MIPOL1: variants seen among roughly 807,000 people sequenced by gnomAD.
MIPOL1 encodes the protein mirror-image polydactyly 1.
Under a neutral mutation model 60.9 loss-of-function variants are expected in MIPOL1, and 57 were observed. The ratio of observed to expected loss-of-function variants is 0.94; its 90% CI spans 0.76 to 1.17. MIPOL1 has a LOEUF of 1.17. MIPOL1 is among the 50% of genes most tolerant of loss of function. MIPOL1 has a pLI of 0.00. For synonymous variants in MIPOL1, 179 were observed against 168.8 expected, an observed-to-expected ratio of 1.06 and a Z score of -0.47; for missense variants, 551 against 511.6, an observed-to-expected ratio of 1.08 and a Z score of -0.74.
chr14:37,294,073 T>G (rs2085370106), intron 7 of MIPOL1, among the ~76,000 whole-genome samples: 1 of 152,186 alleles, frequency 6.6e-6, no homozygotes, highest in Non-Finnish European at 1.5e-5. Flanking sequence ...AGGGGCGGAC[T>G]GACACCTCAC....
intron 11 of MIPOL1, among the ~76,000 whole-genome samples, chr14:37,424,414 A>G (rs1225459375): frequency 4.6e-5 from 7 of 152,154 alleles, no homozygotes; most frequent in Non-Finnish European, 5.9e-5. Flanking sequence ...GAAGACTGCC[A>G]TGTATCTACA....
chr14:37,403,230 C>T (rs2153531802), intron 10 of MIPOL1, among the ~76,000 whole-genome samples: 1 of 152,142 alleles, frequency 6.6e-6, no homozygotes, highest in East Asian at 1.9e-4. Context: ...ATTTTGTTAG[C>T]TTCTATATAT....
chr14:37,500,611 G>T (rs1318641200), intron 12 of MIPOL1, among the ~76,000 whole-genome samples: 1 of 152,144 alleles, frequency 6.6e-6, no homozygotes, highest in African/African-American at 2.4e-5. Context: ...ATTCAATACT[G>T]CTTTTCACAG....
chr14:37,298,436 C>A (rs559498518), intron 7 of MIPOL1, among the ~76,000 whole-genome samples: 1 of 152,240 alleles, frequency 6.6e-6, no homozygotes, highest in Non-Finnish European at 1.5e-5. Flanking sequence ...GCAACAAAAG[C>A]CAAAATTGAC....
At chr14:37,442,218 T>C (rs2153567126) in intron 11 of MIPOL1, among the ~76,000 whole-genome samples, 1 of 152,196 alleles carries the variant, frequency 6.6e-6, no homozygotes, top group African/African-American at 2.4e-5. Context: ...TGTATATTGA[T>C]TTTGTATCCT....
intron 10 of MIPOL1, among the ~76,000 whole-genome samples, chr14:37,379,176 C>T (rs2092858618): frequency 6.6e-6 from 1 of 151,948 alleles, no homozygotes; most frequent in Non-Finnish European, 1.5e-5. Flanking sequence ...GGTCAATTGA[C>T]TTTTGAGAGG....
At chr14:37,238,333 A>G (rs1450191295) in intron 1 of MIPOL1, among the ~76,000 whole-genome samples, 1 of 152,126 alleles carries the variant, frequency 6.6e-6, no homozygotes, top group Non-Finnish European at 1.5e-5. Context: ...ATCTTGTTTC[A>G]TATATATCCC....
intron 6 of MIPOL1, chr14:37,276,265 TA>T (rs1724070324): frequency 6.6e-6 from 1 of 150,994 alleles, no homozygotes. Flanking sequence ...TGATATTTTG[TA>T]AATTAAAAAA....
chr14:37,382,638 T>G (rs1425677972), intron 10 of MIPOL1, among the ~76,000 whole-genome samples: 1 of 152,018 alleles, frequency 6.6e-6, no homozygotes, highest in Non-Finnish European at 1.5e-5. Context: ...ATTCACAGAC[T>G]GACATAGATA....
intron 10 of MIPOL1, among the ~76,000 whole-genome samples, chr14:37,412,981 G>C (rs1340434061): frequency 6.6e-6 from 1 of 152,074 alleles, no homozygotes; most frequent in Non-Finnish European, 1.5e-5. Context: ...TGGTGTTCTA[G>C]GTGGAGGGAA....
chr14:37,234,631 G>A (rs1053402700), intron 1 of MIPOL1, among the ~76,000 whole-genome samples: 1 of 151,870 alleles, frequency 6.6e-6, no homozygotes, highest in Non-Finnish European at 1.5e-5. Flanking sequence ...CACCACACCT[G>A]GACCCAAACC....
chr14:37,377,811 G>C (rs1242179839), intron 10 of MIPOL1, among the ~76,000 whole-genome samples: 1 of 141,702 alleles, frequency 7.1e-6, no homozygotes, highest in East Asian at 2.1e-4. Flanking sequence ...GCAGTGGTAT[G>C]ATCATAGCTC....
At chr14:37,461,297 G>A (rs1392170834) in intron 11 of MIPOL1, among the ~76,000 whole-genome samples, 2 of 152,184 alleles carry the variant, frequency 1.3e-5, no homozygotes, top group East Asian at 3.9e-4. Flanking sequence ...ATCTTATGTG[G>A]ATGTCAGTGG....
intron 3 of MIPOL1, among the ~76,000 whole-genome samples, chr14:37,258,178 A>G (rs1277252558): frequency 6.6e-6 from 1 of 152,144 alleles, no homozygotes; most frequent in Non-Finnish European, 1.5e-5. Context: ...TTTGTTTTCC[A>G]AATCTAAATA....
intron 5 of MIPOL1, among the ~76,000 whole-genome samples, 167 bp downstream of exon 5, chr14:37,268,960 G>T (rs951431238): frequency 6.6e-6 from 1 of 152,010 alleles, no homozygotes; most frequent in Non-Finnish European, 1.5e-5. Context: ...GAGTTAAGGG[G>T]TTGAAAATGA....
chr14:37,300,170 T>G (rs911290849), intron 7 of MIPOL1, among the ~76,000 whole-genome samples: 10 of 151,142 alleles, frequency 6.6e-5, no homozygotes, highest in Admixed American at 6.0e-4. Flanking sequence ...CCTCCATTCC[T>G]TTGTTCATAC....
intron 12 of MIPOL1, among the ~76,000 whole-genome samples, chr14:37,508,607 T>A (rs1052590307): frequency 6.6e-6 from 1 of 152,166 alleles, no homozygotes; most frequent in African/African-American, 2.4e-5. Flanking sequence ...TATAAAACAC[T>A]ATGCTAATGT....
chr14:37,355,831 A>G (rs1395416713), intron 9 of MIPOL1, among the ~76,000 whole-genome samples: 1 of 150,126 alleles, frequency 6.7e-6, no homozygotes, highest in Non-Finnish European at 1.5e-5. Flanking sequence ...AAAGTTTTCA[A>G]CTTCTTTGCC....
At chr14:37,362,057 C>G (rs932343952) in intron 9 of MIPOL1, among the ~76,000 whole-genome samples, 3 of 152,002 alleles carry the variant, frequency 2.0e-5, no homozygotes, top group Admixed American at 1.3e-4. Context: ...GGTCTTGACT[C>G]TATCCAATTT....
Sources: allele counts gnomAD v4.1 joint callset (sites outside exome capture counted in the v4.1 genomes callset), GRCh38; gene constraint gnomAD v4.1.1; transcripts MANE v1.5; gene names NCBI Gene and HGNC (gene_info 2026-07-23, HGNC 2026-07-21).